BAHCC1: variants seen among roughly 807,000 people sequenced by gnomAD.
BAHCC1 encodes the protein BAH and coiled-coil domain-containing protein 1.
A neutral mutation model predicts 88.2 loss-of-function variants in BAHCC1; 43 were observed. That is an observed-to-expected ratio of 0.49 (90% CI 0.38 to 0.63). The LOEUF (loss-of-function observed/expected upper bound fraction) is 0.63. Among genes scored for constraint, BAHCC1 ranks in the 20% least tolerant of loss-of-function variants. The pLI is 0.00. For missense variants in BAHCC1, 3,023 were observed against 1,654.8 expected (o/e 1.83, Z -14.34); for synonymous variants, 1,510 against 745.5 (o/e 2.03, Z -16.71).
chr17:81,415,979 C>T (rs1057329515), intron 2 of BAHCC1, among the ~76,000 whole-genome samples: 1 of 150,990 alleles, frequency 6.6e-6, no homozygotes, highest in Admixed American at 6.6e-5. Context: ...TGTGCGTGTG[C>T]GTGTGTCCAT....
rs782167209 is a variant in BAHCC1, at chr17:81,445,342, C to G, written c.2836-12C>G. Reference sequence around the variant, plus strand: ...TCCTGAGCCTGACCGAGCTTGCCCCCATCCCTGACAGCGGAAGCCCGAAGA... The same window carrying G: ...TCCTGAGCCTGACCGAGCTTGCCCCGATCCCTGACAGCGGAAGCCCGAAGA... On this transcript the variant is annotated splice_polypyrimidine_tract_variant and intron_variant, in intron 9 of 27. Transcript: ENST00000675386. The G allele has an allele frequency of 3.9e-6, 3 of 769,482 alleles. No homozygotes were observed. The highest frequency in any genetic ancestry group is 7.2e-6 in the Non-Finnish European group (3 of 413,860). 47.7% of individuals were successfully genotyped at this position (769,482 alleles called of 1,614,324 possible). A position where few individuals can be genotyped will look rare whatever the true frequency, so the allele number is the denominator to read the frequency against.
rs1457082733 is a variant in BAHCC1 at position 81,445,513 on chromosome 17, C to G, written c.2995C>G (p.Pro999Ala). 4 of 736,318 alleles carry G rather than the reference C, an allele frequency of 5.4e-6. No individual in the cohort carries two copies. Among genetic ancestry groups the G allele is most frequent in the East Asian group, 5.2e-5 (2 of 38,660 alleles). The allele number at this position is 736,318 out of a possible 1,614,324, so 45.6% of individuals were successfully genotyped here. The change falls in exon 10 of 28, where the codon CCA becomes GCA. Residue 999 changes from proline (P) to alanine (A), a missense_variant. Physicochemically the swap from Pro to Ala is conservative, Grantham distance 27. Coordinates refer to ENST00000675386, the MANE Select transcript of BAHCC1 (RefSeq NM_001377448.1). ...GCCACCTTGCTGCCATCCGCCCGAC[C>G]CAAAGCCCCCCGCCAGCTCCCCCAC... ...KLPPCCHPPD[P>A]KPPASSPTPP...
At chr17:81,410,092 G>A in intron 2 of BAHCC1, 1 of 371,868 alleles carries the variant, frequency 2.7e-6, no homozygotes, top group Non-Finnish European at 5.6e-6. Flanking sequence ...CTGGAGGGTT[G>A]AGTGGGACTG....
At position 81,434,449 on chromosome 17, in the gene BAHCC1, T is replaced by C. The variant is rs2064308985; in HGVS notation, c.359-3921T>C. 6.6e-6 allele frequency among the ~76,000 whole-genome samples: 1 copy of C among 152,144 alleles called. No homozygotes were observed. The highest frequency in any genetic ancestry group is 2.4e-5 in the African/African-American group (1 of 41,436). ...TGGTGGGGTGTCCGCTGTAGAAGGT[T>C]TTGTCCTCAAAGGCGTGCGGGCTGG... On this transcript the variant is annotated intron_variant, in intron 3 of 27. Coordinates refer to ENST00000675386, the MANE Select transcript of BAHCC1 (RefSeq NM_001377448.1). This position sits in a 1 kb window ranked among gnomAD's most constrained non-coding sequence, Gnocchi z 4.9.
At chr17:81,452,233 A>T (rs1401943295) in intron 13 of BAHCC1, 126 bp downstream of exon 13, 1 of 493,662 alleles carries the variant, frequency 2.0e-6, no homozygotes, top group Non-Finnish European at 3.5e-6. Context: ...CTGTGGGCAG[A>T]CACCAGGGTC....
chr17:81,453,303 C>T (rs910483734), intron 14 of BAHCC1, among the ~76,000 whole-genome samples: 1 of 152,262 alleles, frequency 6.6e-6, no homozygotes, highest in African/African-American at 2.4e-5. Context: ...TTGGCGCACT[C>T]CCGGGCCTGG....
chr17:81,428,166 A>C (rs2064222103), intron 3 of BAHCC1, among the ~76,000 whole-genome samples: 1 of 151,226 alleles, frequency 6.6e-6, no homozygotes, highest in African/African-American at 2.4e-5. Context: ...CCTTCCTCCC[A>C]CCCCTGCACT....
In BAHCC1 at chr17:81,399,730, G is replaced by C; in HGVS notation, c.-10G>C. 1 of 1,086,266 alleles carries C rather than the reference G, an allele frequency of 9.2e-7. No individual in the cohort carries two copies. The highest frequency in any genetic ancestry group is 1.1e-6 in the Non-Finnish European group (1 of 897,570). 67.3% of individuals were successfully genotyped at this position (1,086,266 alleles called of 1,614,324 possible). ...GAGGAAGCGGCGGCGGACCGGGGCC[G>C]GGGCCCGGCATGGATGGCCGCGACT... On this transcript the variant is annotated 5_prime_UTR_variant, in exon 2 of 28. Coordinates refer to ENST00000675386, the MANE Select transcript of BAHCC1 (RefSeq NM_001377448.1). This position sits in a 1 kb window ranked among gnomAD's most constrained non-coding sequence, Gnocchi z 4.5.
chr17:81,455,138 G>C (rs1555656901), intron 14 of BAHCC1, 129 bp from the exon 15 acceptor site: 2 of 627,036 alleles, frequency 3.2e-6, no homozygotes, highest in Non-Finnish European at 5.8e-6. Context: ...CCCCTGCTCT[G>C]TCTGCCCGAG....
rs782571693 is a variant in BAHCC1, at chr17:81,463,859, G to T, written c.*42G>T. 1.4e-6 allele frequency: 1 copy of T among 699,028 alleles called. No homozygotes were observed. Among genetic ancestry groups the T allele is most frequent in the Non-Finnish European group, 2.6e-6 (1 of 382,792 alleles). 43.3% of individuals were successfully genotyped at this position (699,028 alleles called of 1,614,324 possible). On this transcript the variant is annotated 3_prime_UTR_variant, in exon 28 of 28. Transcript: ENST00000675386. ...GCCTCCCACGTGCGCCAGGGACCCT[G>T]TGTGCGGAGCCTGGCGTCGGCCAAG...
intron 1 of BAHCC1, among the ~76,000 whole-genome samples, chr17:81,398,794 G>A (rs1555645318): frequency 6.6e-6 from 1 of 152,152 alleles, no homozygotes; most frequent in Non-Finnish European, 1.5e-5. Flanking sequence ...GCTCTGAGGA[G>A]CCGGCCTGGG....
chr17:81,427,080 G>A (rs1343568565), intron 3 of BAHCC1, 101 bp downstream of exon 3: 4 of 398,294 alleles, frequency 1.0e-5, no homozygotes, highest in Non-Finnish European at 1.8e-5. Context: ...CGTGGCCGTG[G>A]GAACCTGGCC....
chr17:81,398,856 GGGGACCACGGT>G (rs1455098447), intron 1 of BAHCC1, among the ~76,000 whole-genome samples: 1 of 151,974 alleles, frequency 6.6e-6, no homozygotes, highest in African/African-American at 2.4e-5. Flanking sequence ...GCTGGGGAGG[GGGGACCACGGT>G]GGATTCAGAA....
At chr17:81,402,371 T>A (rs980415713) in intron 2 of BAHCC1, 3 of 152,198 alleles carry the variant, frequency 2.0e-5, no homozygotes, top group South Asian at 2.1e-4. Flanking sequence ...TGTATTTTTT[T>A]AAAAAAAGAA....
chr17:81,461,176 G>A lies in BAHCC1; in HGVS notation c.6513G>A (p.Gly2171=), dbSNP rs1430499344. The A allele has an allele frequency of 2.7e-6, 2 of 748,572 alleles. No homozygotes were observed. The highest frequency in any genetic ancestry group is 1.7e-5 in the African/African-American group (1 of 58,582). 46.4% of individuals were successfully genotyped at this position (748,572 alleles called of 1,614,324 possible). A position where few individuals can be genotyped will look rare whatever the true frequency, so the allele number is the denominator to read the frequency against. The stretch of plus-strand genomic sequence containing the variant: ...GCTCCTACGCGCCCTTCGTCGGGGG[G>A]ACCGGGCCGGGCCTCCCCAGGGGAG... The part of the protein sequence containing the change: ...LASSYAPFVG[G]TGPGLPRGAH... Residue 2171 remains glycine (G), a synonymous_variant, in exon 26 of 28, where the codon GGG becomes GGA. Transcript: ENST00000675386.
intron 11 of BAHCC1, among the ~76,000 whole-genome samples, chr17:81,450,653 G>A (rs2064616126): frequency 2.0e-5 from 3 of 152,230 alleles, no homozygotes; most frequent in Admixed American, 2.0e-4. Flanking sequence ...TCAGAGACCG[G>A]GCAGGGGCAG....
Position 81,447,276 on chromosome 17 carries a change from A to G in BAHCC1, c.3404A>G (p.Tyr1135Cys). ...ACCCAGGACCTTGCCGCCACCCCCTACCCTACCGAGCGGGGACCCCAGGGG... is the reference window on the plus strand; with the variant it reads ...ACCCAGGACCTTGCCGCCACCCCCTGCCCTACCGAGCGGGGACCCCAGGGG... ...EATQDLAATP[Y>C]PTERGPQGKA... Residue 1135 changes from tyrosine to cysteine, a missense_variant, in exon 11 of 28, where the codon TAC (tyrosine) becomes TGC (cysteine). Physicochemically the swap from Tyr to Cys is radical, Grantham distance 194. Coordinates refer to ENST00000675386, the MANE Select transcript of BAHCC1 (RefSeq NM_001377448.1). 1 of 714,956 alleles carries G rather than the reference A, an allele frequency of 1.4e-6. No individual in the cohort carries two copies. The allele number at this position is 714,956 out of a possible 1,614,324, so 44.3% of individuals were successfully genotyped here.
At chr17:81,414,673 C>A (rs1417967250) in intron 2 of BAHCC1, among the ~76,000 whole-genome samples, 1 of 152,164 alleles carries the variant, frequency 6.6e-6, no homozygotes, top group Non-Finnish European at 1.5e-5. Context: ...GCGGCAGGAG[C>A]GCTGGCCGTC....
rs782446372 is a variant in BAHCC1 at position 81,459,319 on chromosome 17, G to A, written c.5787G>A (p.Leu1929=). The change falls in exon 22 of 28, where the codon CTG becomes CTA. Residue 1929 remains leucine (L), a synonymous_variant. Coordinates refer to ENST00000675386, the MANE Select transcript of BAHCC1 (RefSeq NM_001377448.1). ...GGATCTACTCACTGGAGCAGCTGCT[G>A]CAGGAAGCGGTGAGGACCGGGCCGG... ...RQRIYSLEQL[L]QEAVLDVRPQ... 1 of 779,022 alleles carries A rather than the reference G, an allele frequency of 1.3e-6. No homozygotes were observed. The highest frequency in any genetic ancestry group is 2.4e-5 in the East Asian group (1 of 41,206). The allele number at this position is 779,022 out of a possible 1,614,324, so 48.3% of individuals were successfully genotyped here.
Sources: gnomAD v4.1 joint callset for allele counts (sites outside exome capture counted in the v4.1 genomes callset) on GRCh38, gnomAD v4.1.1 for gene constraint, Gnocchi (gnomAD v3.1) non-coding constraint, MANE v1.5 for transcripts, NCBI Gene and HGNC (gene_info 2026-07-23, HGNC 2026-07-21) for gene names.